The following CADPS2 variants were observed in gnomAD, a reference collection of about 807,000 sequenced individuals.
CADPS2 encodes calcium dependent secretion activator 2.
Under a neutral mutation model 172.5 loss-of-function variants are expected in CADPS2, and 93 were observed. The ratio of observed to expected loss-of-function variants is 0.54; its 90% confidence interval spans 0.46 to 0.64. CADPS2 has a LOEUF of 0.64. CADPS2 is among the 30% of genes least tolerant of loss of function. The pLI is 0.00. For synonymous variants in CADPS2, 546 were observed against 555.2 expected (o/e 0.98, Z 0.23); for missense variants, 1,420 against 1,565.9 (o/e 0.91, Z 1.57).
chr7:122,390,967 C>G (rs7801806), intron 22 of CADPS2, among the ~76,000 whole-genome samples: 4,363 of 151,988 alleles, frequency 0.029, 224 homozygotes, highest in African/African-American at 0.1. Flanking sequence ...TATACAGATA[C>G]ATATGTCGAT....
intron 15 of CADPS2, among the ~76,000 whole-genome samples, chr7:122,443,710 CAAAA>C (rs56137420): frequency 0.026 from 1,522 of 57,856 alleles, 23 homozygotes; most frequent in African/African-American, 0.095. Context: ...CTGCTTTCTA[CAAAA>C]AAAAAAAAAA....
chr7:122,605,388 T>TA (rs2073383081), intron 6 of CADPS2, among the ~76,000 whole-genome samples: 1 of 152,202 alleles, frequency 6.6e-6, no homozygotes, highest in South Asian at 2.1e-4. Flanking sequence ...ATTATCAACT[T>TA]ATTGGACTGG....
intron 1 of CADPS2, among the ~76,000 whole-genome samples, chr7:122,795,159 T>A (rs1033949047): frequency 6.7e-6 from 1 of 150,206 alleles, no homozygotes; most frequent in African/African-American, 2.5e-5. Context: ...AAAAAAAAAA[T>A]TCAAAAGATC....
At chr7:122,386,757 T>C (rs1325645909) in intron 24 of CADPS2, among the ~76,000 whole-genome samples, 1 of 152,068 alleles carries the variant, frequency 6.6e-6, no homozygotes, top group Non-Finnish European at 1.5e-5. Context: ...AAAAGCAAGG[T>C]TTATGTAAAT....
intron 1 of CADPS2, among the ~76,000 whole-genome samples, chr7:122,844,153 C>T (rs1811333883): frequency 6.6e-6 from 1 of 152,162 alleles, no homozygotes; most frequent in Non-Finnish European, 1.5e-5. Flanking sequence ...ACGAGCCTCA[C>T]CTGGAGGTGA....
chr7:122,541,364 T>TTC (rs1018283429), intron 8 of CADPS2, among the ~76,000 whole-genome samples: 1 of 146,532 alleles, frequency 6.8e-6, no homozygotes, highest in African/African-American at 2.5e-5. Flanking sequence ...ACCCAGCTAT[T>TTC]TTTTTTTTTT....
At chr7:122,801,686 G>GA (rs1365852807) in intron 1 of CADPS2, among the ~76,000 whole-genome samples, 1 of 151,270 alleles carries the variant, frequency 6.6e-6, no homozygotes, top group East Asian at 1.9e-4. Context: ...ATGTAGGAAA[G>GA]AAAAAAATGT....
Position 122,663,219 on chromosome 7 carries a change from A to G in CADPS2, c.786+18T>C. On this transcript the variant is annotated intron_variant, in intron 3 of 29. Coordinates refer to ENST00000449022, the MANE Select transcript of CADPS2 (RefSeq NM_017954.11). Reference sequence around the variant, plus strand: ...CACGAGTCAGACAGGGGAAGGGAAAATATCAGAGACCACTTACCTGACATG... The same window carrying G: ...CACGAGTCAGACAGGGGAAGGGAAAGTATCAGAGACCACTTACCTGACATG... The G allele has an allele frequency of 6.4e-7, 1 of 1,560,114 alleles. No homozygotes were observed. The highest frequency in any genetic ancestry group is 1.7e-4 in the Middle Eastern group (1 of 5,864).
chr7:122,676,752 C>A, intron 2 of CADPS2: 1 of 1,304,104 alleles, frequency 7.7e-7, no homozygotes, highest in Admixed American at 1.9e-5. Context: ...TCCAGATTAT[C>A]ATGGAGAAAC....
chr7:122,764,738 C>T (rs1188822733), intron 1 of CADPS2, among the ~76,000 whole-genome samples: 3 of 152,002 alleles, frequency 2.0e-5, no homozygotes, highest in African/African-American at 7.2e-5. Context: ...GTGGGAGGAA[C>T]AGACCAAGTA....
chr7:122,829,528 TG>T (rs764531851), intron 1 of CADPS2, among the ~76,000 whole-genome samples: 34 of 152,060 alleles, frequency 2.2e-4, no homozygotes, highest in Non-Finnish European at 4.1e-4. Flanking sequence ...ATTTATCCTA[TG>T]GAAAAAAAGG....
In CADPS2 at chr7:122,760,687, T is replaced by C. The variant is rs570756490; in HGVS notation, c.340-23619A>G. 2.9e-3 allele frequency among the ~76,000 whole-genome samples: 445 copies of C among 151,800 alleles called. 3 individuals are homozygous for C. Among genetic ancestry groups the C allele is most frequent in the African/African-American group, 0.01 (423 of 41,394 alleles). ...GGGACATGGATGAAGCTGGAAACCA[T>C]TATTCTCAGCAAACTATCGCAAGGA... On this transcript the variant is annotated intron_variant, in intron 1 of 29. Coordinates refer to ENST00000449022, the MANE Select transcript of CADPS2 (RefSeq NM_017954.11).
intron 6 of CADPS2, among the ~76,000 whole-genome samples, chr7:122,604,709 T>C (rs1191507439): frequency 6.6e-6 from 1 of 152,134 alleles, no homozygotes; most frequent in Non-Finnish European, 1.5e-5. Flanking sequence ...CATTTTTAAG[T>C]GGTCACCTAG....
intron 6 of CADPS2, among the ~76,000 whole-genome samples, chr7:122,614,312 A>G (rs2133846748): frequency 6.6e-6 from 1 of 152,238 alleles, no homozygotes; most frequent in Non-Finnish European, 1.5e-5. Context: ...TCTGTTACAC[A>G]TAACCCTCTG....
At chr7:122,336,257 T>C (rs564725575) in intron 28 of CADPS2, among the ~76,000 whole-genome samples, 1 of 152,334 alleles carries the variant, frequency 6.6e-6, no homozygotes, top group Non-Finnish European at 1.5e-5. Context: ...GTGAATGGTC[T>C]GACCTTGCAG....
At chr7:122,880,138 A>T (rs1195122756) in intron 1 of CADPS2, among the ~76,000 whole-genome samples, 1 of 152,180 alleles carries the variant, frequency 6.6e-6, no homozygotes, top group East Asian at 1.9e-4. Flanking sequence ...TGTGAACTGT[A>T]CTGTTCAGTT....
intron 2 of CADPS2, among the ~76,000 whole-genome samples, chr7:122,694,315 A>T (rs1199514123): frequency 1.3e-5 from 2 of 152,224 alleles, no homozygotes; most frequent in African/African-American, 4.8e-5. Flanking sequence ...AGTCAAGCAA[A>T]TGCAGAGGGA....
intron 13 of CADPS2, among the ~76,000 whole-genome samples, chr7:122,473,106 G>T (rs1195214575): frequency 6.6e-6 from 1 of 152,008 alleles, no homozygotes; most frequent in Non-Finnish European, 1.5e-5. Flanking sequence ...CAGCCTAAAG[G>T]TTTCTCTATA....
At chr7:122,729,965 G>GTAT (rs2091493145) in intron 2 of CADPS2, among the ~76,000 whole-genome samples, 1 of 151,700 alleles carries the variant, frequency 6.6e-6, no homozygotes, top group Non-Finnish European at 1.5e-5. Flanking sequence ...AAAATGAAGT[G>GTAT]TAGTCTCTAC....
Sources: gnomAD v4.1 joint callset for allele counts (sites outside exome capture counted in the v4.1 genomes callset) on GRCh38, gnomAD v4.1.1 for gene constraint, MANE v1.5 for transcripts, NCBI Gene and HGNC (gene_info 2026-07-23, HGNC 2026-07-21) for gene names.